Variants in PTPRD observed in about 807,000 individuals in gnomAD.
PTPRD encodes protein tyrosine phosphatase receptor type D.
Under a neutral mutation model 214.5 loss-of-function variants are expected in PTPRD, and 34 were observed. That is an observed-to-expected ratio of 0.16 (90% CI 0.12 to 0.21). PTPRD has a LOEUF of 0.21. PTPRD is among the 10% of genes least tolerant of loss of function. The pLI is 1.00. For synonymous variants in PTPRD, 1,128 were observed against 845.7 expected (o/e 1.33, Z -5.79); for missense variants, 2,545 against 2,398.7 (o/e 1.06, Z -1.27).
chr9:9,192,636 A>G (rs983911297), intron 9 of PTPRD, among the ~76,000 whole-genome samples: 1 of 152,108 alleles, frequency 6.6e-6, no homozygotes, highest in African/African-American at 2.4e-5. Flanking sequence ...AGAGTCCATT[A>G]AATGCCTGCC....
chr9:8,990,314 G>A (rs866362070), intron 11 of PTPRD, among the ~76,000 whole-genome samples: 9 of 152,124 alleles, frequency 5.9e-5, no homozygotes, highest in African/African-American at 2.2e-4. Flanking sequence ...CGTGGAATAT[G>A]GTGAGATATA....
At chr9:10,583,388 T>C (rs1235576366) in intron 2 of PTPRD, among the ~76,000 whole-genome samples, 1 of 152,062 alleles carries the variant, frequency 6.6e-6, no homozygotes, top group East Asian at 1.9e-4. Flanking sequence ...ATTGGGCTCT[T>C]GAGACTAATG....
chr9:10,459,679 G>A (rs933888667), intron 2 of PTPRD, among the ~76,000 whole-genome samples: 6 of 150,412 alleles, frequency 4.0e-5, no homozygotes, highest in Non-Finnish European at 7.4e-5. Context: ...TTTTTCATAC[G>A]TTTGTTGGTT....
At chr9:10,109,115 A>T (rs892440838) in intron 3 of PTPRD, among the ~76,000 whole-genome samples, 2 of 152,202 alleles carry the variant, frequency 1.3e-5, no homozygotes, top group Admixed American at 1.3e-4. Flanking sequence ...CATATTTTTA[A>T]GTAGTCAGCA....
chr9:9,523,148 T>G (rs528433306), intron 8 of PTPRD, among the ~76,000 whole-genome samples: 8 of 152,182 alleles, frequency 5.3e-5, no homozygotes, highest in Non-Finnish European at 1.0e-4. Context: ...AGTTTTATAA[T>G]TTTTAAAAAA....
At chr9:10,328,593 C>T (rs1487560793) in intron 3 of PTPRD, among the ~76,000 whole-genome samples, 1 of 151,742 alleles carries the variant, frequency 6.6e-6, no homozygotes, top group African/African-American at 2.4e-5. Context: ...AAAGAGTTTT[C>T]CCGAGACTTT....
At chr9:9,223,805 T>G (rs1408873665) in intron 9 of PTPRD, among the ~76,000 whole-genome samples, 1 of 152,004 alleles carries the variant, frequency 6.6e-6, no homozygotes, top group East Asian at 1.9e-4. Flanking sequence ...TTATAAATGA[T>G]ATGTCTCTGG....
At chr9:9,222,895 T>C (rs1249197786) in intron 9 of PTPRD, among the ~76,000 whole-genome samples, 2 of 152,086 alleles carry the variant, frequency 1.3e-5, no homozygotes, top group Admixed American at 1.3e-4. Flanking sequence ...GAACTCTTAA[T>C]GGATGCCTCA....
intron 8 of PTPRD, among the ~76,000 whole-genome samples, chr9:9,431,364 A>C (rs1202289222): frequency 6.6e-6 from 1 of 152,190 alleles, no homozygotes; most frequent in African/African-American, 2.4e-5. Context: ...ATACCATCTC[A>C]CACCAGTTAG....
At chr9:8,544,127 T>C (rs1290676752) in intron 14 of PTPRD, among the ~76,000 whole-genome samples, 2 of 151,728 alleles carry the variant, frequency 1.3e-5, no homozygotes, top group East Asian at 3.9e-4. Context: ...GTATATCACA[T>C]GCATTAGGCT....
chr9:9,185,932 T>G (rs932519267), intron 9 of PTPRD, among the ~76,000 whole-genome samples: 8 of 151,694 alleles, frequency 5.3e-5, no homozygotes, highest in African/African-American at 1.9e-4. Flanking sequence ...AGTACAAATA[T>G]CAGTCTAGTT....
intron 8 of PTPRD, among the ~76,000 whole-genome samples, chr9:9,564,678 G>A (rs7873287): frequency 0.028 from 4,320 of 151,886 alleles, 227 homozygotes; most frequent in African/African-American, 0.098. Flanking sequence ...GATTTTTAAA[G>A]GTCATTATAT....
At chr9:9,067,758 T>A (rs566885286) in intron 10 of PTPRD, among the ~76,000 whole-genome samples, 2 of 152,366 alleles carry the variant, frequency 1.3e-5, no homozygotes, top group African/African-American at 4.8e-5. Context: ...TGTAACACAA[T>A]CTCAGAACCA....
chr9:9,214,305 A>T (rs1025433117), intron 9 of PTPRD, among the ~76,000 whole-genome samples: 1 of 152,210 alleles, frequency 6.6e-6, no homozygotes, highest in African/African-American at 2.4e-5. Context: ...AGAGCTGAAC[A>T]CTTGGCTTCT....
At chr9:8,825,996 G>A (rs935273848) in intron 11 of PTPRD, among the ~76,000 whole-genome samples, 29 of 152,088 alleles carry the variant, frequency 1.9e-4, no homozygotes, top group African/African-American at 3.6e-4. Flanking sequence ...CTTATCCTGT[G>A]ACTTAGAATG....
intron 10 of PTPRD, among the ~76,000 whole-genome samples, chr9:9,114,676 T>G (rs2099810546): frequency 6.6e-6 from 1 of 152,112 alleles, no homozygotes; most frequent in East Asian, 1.9e-4. Context: ...AGATACTCCC[T>G]GAACAAAAAT....
intron 2 of PTPRD, among the ~76,000 whole-genome samples, chr9:10,436,333 G>C (rs1001724729): frequency 1.3e-5 from 2 of 151,592 alleles, no homozygotes; most frequent in Non-Finnish European, 2.9e-5. Flanking sequence ...GAAATAAAGA[G>C]AAATGAAAGG....
At chr9:9,606,733 A>C (rs2154341557) in intron 7 of PTPRD, among the ~76,000 whole-genome samples, 1 of 152,050 alleles carries the variant, frequency 6.6e-6, no homozygotes, top group Admixed American at 6.6e-5. Context: ...AGGTCGACTA[A>C]CTTCAAGAAA....
chr9:8,800,680 G>A (rs914132025), intron 11 of PTPRD, among the ~76,000 whole-genome samples: 13 of 152,172 alleles, frequency 8.5e-5, no homozygotes, highest in Non-Finnish European at 8.8e-5. Flanking sequence ...GCAACCAGCA[G>A]CCTCGGGGCT....
Sources: gnomAD v4.1 joint callset for allele counts (sites outside exome capture counted in the v4.1 genomes callset) on GRCh38, gnomAD v4.1.1 for gene constraint, MANE v1.5 for transcripts, NCBI Gene and HGNC (gene_info 2026-07-23, HGNC 2026-07-21) for gene names.